Variants in ADGRG6 observed in about 807,000 individuals in gnomAD.
The protein encoded by ADGRG6 is adhesion G protein-coupled receptor G6.
Under a neutral mutation model 142.4 loss-of-function variants are expected in ADGRG6, and 84 were observed. The ratio of observed to expected loss-of-function variants is 0.59; its 90% CI spans 0.49 to 0.71. The LOEUF (loss-of-function observed/expected upper bound fraction) is 0.71, where lower values mean the gene tolerates loss of function less well. Among genes scored for constraint, ADGRG6 ranks in the 30% least tolerant of loss-of-function variants. The pLI is 0.00. For missense variants in ADGRG6, 1,367 were observed against 1,466.6 expected, an observed-to-expected ratio of 0.93 and a Z score of 1.11; for synonymous variants, 521 against 520.5, an observed-to-expected ratio of 1.00 and a Z score of -0.01.
intron 10 of ADGRG6, among the ~76,000 whole-genome samples, chr6:142,398,747 A>T (rs1775338689): frequency 6.6e-6 from 1 of 152,128 alleles, no homozygotes; most frequent in Non-Finnish European, 1.5e-5. Flanking sequence ...ACCTTTTCTG[A>T]AATAAAGTAT....
rs1775770794 is a variant in ADGRG6 at position 142,405,726 on chromosome 6, T to C, written c.2166T>C (p.Ser722=). Residue 722 remains serine, a synonymous_variant, in exon 15 of 25, where the codon TCT becomes TCC. Coordinates refer to ENST00000367609, the MANE Select transcript of ADGRG6 (RefSeq NM_198569.3). ...GTGGACAAGTGGATCCACTGGCATC[T>C]GTAATTTTGCCTCCAAACTTACTTG... ...FESGQVDPLA[S]VILPPNLLEN... is the part of the protein sequence containing the mutation. 6.2e-7 allele frequency: 1 copy of C among 1,607,452 alleles called. No homozygotes were observed. The highest frequency in any genetic ancestry group is 1.1e-5 in the South Asian group (1 of 90,670).
chr6:142,338,794 A>C (rs899790962), intron 2 of ADGRG6, among the ~76,000 whole-genome samples: 3 of 152,182 alleles, frequency 2.0e-5, no homozygotes, highest in African/African-American at 7.2e-5. Flanking sequence ...TTTTAATTAA[A>C]AATAGTAATG....
intron 1 of ADGRG6, among the ~76,000 whole-genome samples, chr6:142,306,762 T>C (rs2114495106): frequency 6.6e-6 from 1 of 152,216 alleles, no homozygotes; most frequent in South Asian, 2.1e-4. Context: ...TCTTGGGAGA[T>C]AGTTATTTAA....
Position 142,385,829 on chromosome 6 carries a change from G to A in ADGRG6, c.1222+1986G>A, listed in dbSNP as rs113508784. On this transcript the variant is annotated intron_variant, in intron 6 of 24. Coordinates refer to ENST00000367609, the MANE Select transcript of ADGRG6 (RefSeq NM_198569.3). ...ACCTTATGAATACATGCTATTTAATGTCATGTCCTGGATTATCATCATTGA... is the reference window on the plus strand; with the variant it reads ...ACCTTATGAATACATGCTATTTAATATCATGTCCTGGATTATCATCATTGA... 6.6e-3 allele frequency among the ~76,000 whole-genome samples: 1,002 copies of A among 152,138 alleles called. 16 individuals are homozygous for A. The highest frequency in any genetic ancestry group is 0.022 in the African/African-American group (933 of 41,520).
Position 142,411,422 on chromosome 6 carries a change from A to C in ADGRG6, c.2541+11A>C, listed in dbSNP as rs1300134971. The C allele has an allele frequency of 7.5e-7, 1 of 1,331,410 alleles. No homozygotes were observed. The highest frequency in any genetic ancestry group is 1.1e-6 in the Non-Finnish European group (1 of 922,284). The allele number at this position is 1,331,410 out of a possible 1,614,324, so 82.5% of individuals were successfully genotyped here. On this transcript the variant is annotated intron_variant, in intron 18 of 24. Coordinates refer to ENST00000367609, the MANE Select transcript of ADGRG6 (RefSeq NM_198569.3). Reference sequence around the variant, plus strand: ...TTTGGAGTTCTGATGGTAAGGGGGGAATTTCTAAGCTCATTTTGACATGCT... The same window carrying C: ...TTTGGAGTTCTGATGGTAAGGGGGGCATTTCTAAGCTCATTTTGACATGCT...
At chr6:142,321,649 G>A (rs1180150180) in intron 2 of ADGRG6, among the ~76,000 whole-genome samples, 1 of 152,048 alleles carries the variant, frequency 6.6e-6, no homozygotes, top group African/African-American at 2.4e-5. Context: ...GCACAGCTAA[G>A]CTATAATGAT....
intron 2 of ADGRG6, among the ~76,000 whole-genome samples, chr6:142,346,193 C>T (rs1199801238): frequency 6.6e-6 from 1 of 152,088 alleles, no homozygotes; most frequent in Non-Finnish European, 1.5e-5. Context: ...GACTTTGAAC[C>T]CACTGTAAGA....
intron 13 of ADGRG6, among the ~76,000 whole-genome samples, chr6:142,403,358 G>T (rs570265870): frequency 1.3e-5 from 2 of 152,038 alleles, no homozygotes; most frequent in East Asian, 3.9e-4. Context: ...TTTCTCTGAA[G>T]AAAATTTTAT....
At chr6:142,356,848 G>A (rs1483998397) in intron 2 of ADGRG6, among the ~76,000 whole-genome samples, 1 of 152,198 alleles carries the variant, frequency 6.6e-6, no homozygotes, top group Non-Finnish European at 1.5e-5. Flanking sequence ...ACTTCAAAAG[G>A]AAGGTGATTT....
intron 2 of ADGRG6, among the ~76,000 whole-genome samples, chr6:142,317,533 G>A (rs1303237646): frequency 2.0e-5 from 3 of 149,864 alleles, no homozygotes; most frequent in Non-Finnish European, 3.0e-5. Flanking sequence ...GAGCATTATA[G>A]TACTTAAATA....
chr6:142,318,481 A>G (rs1271447971), intron 2 of ADGRG6, among the ~76,000 whole-genome samples: 1 of 140,682 alleles, frequency 7.1e-6, no homozygotes, highest in Non-Finnish European at 1.5e-5. Flanking sequence ...GCAAAGCTAA[A>G]TCATTGCCTT....
At chr6:142,371,332 T>G (rs1308846415) in intron 4 of ADGRG6, among the ~76,000 whole-genome samples, 1 of 151,800 alleles carries the variant, frequency 6.6e-6, no homozygotes, top group African/African-American at 2.4e-5. Flanking sequence ...CCAGCTAATT[T>G]TTGTATTTTT....
At chr6:142,333,125 C>A (rs1779141160) in intron 2 of ADGRG6, among the ~76,000 whole-genome samples, 1 of 152,116 alleles carries the variant, frequency 6.6e-6, no homozygotes, top group African/African-American at 2.4e-5. Context: ...CATTTCAGAG[C>A]AAAGAGAATA....
At chr6:142,399,763 C>G (rs995450500) in intron 10 of ADGRG6, among the ~76,000 whole-genome samples, 3 of 152,172 alleles carry the variant, frequency 2.0e-5, no homozygotes, top group African/African-American at 7.2e-5. Context: ...GATGACAGTA[C>G]TTGTTCCCAG....
chr6:142,361,808 GTT>G (rs113523803), intron 2 of ADGRG6, among the ~76,000 whole-genome samples: 77 of 144,588 alleles, frequency 5.3e-4, no homozygotes, highest in African/African-American at 1.2e-3. Context: ...CCTTTAGATT[GTT>G]TTTTTTTTTT....
intron 2 of ADGRG6, among the ~76,000 whole-genome samples, chr6:142,336,821 A>AGATG (rs1245865899): frequency 6.6e-6 from 1 of 152,240 alleles, no homozygotes; most frequent in African/African-American, 2.4e-5. Flanking sequence ...ACTCGATCTC[A>AGATG]GATGGATATA....
intron 2 of ADGRG6, among the ~76,000 whole-genome samples, chr6:142,323,117 TTA>T (rs1316611438): frequency 9.0e-6 from 1 of 111,126 alleles, no homozygotes; most frequent in Non-Finnish European, 1.6e-5. Context: ...TAAATGTCAC[TTA>T]TTTTTTTTTT....
chr6:142,435,544 T>C (rs1471516199), intron 22 of ADGRG6, among the ~76,000 whole-genome samples: 1 of 151,474 alleles, frequency 6.6e-6, no homozygotes, highest in East Asian at 1.9e-4. Context: ...CATTAGAGTA[T>C]ACATGTAAGC....
At chr6:142,342,033 G>T (rs543496715) in intron 2 of ADGRG6, among the ~76,000 whole-genome samples, 1 of 152,148 alleles carries the variant, frequency 6.6e-6, no homozygotes, top group East Asian at 1.9e-4. Context: ...TTTTGGTGAA[G>T]TTTACCTCTT....
Sources: gnomAD v4.1 joint callset for allele counts (sites outside exome capture counted in the v4.1 genomes callset) on GRCh38, gnomAD v4.1.1 for gene constraint, MANE v1.5 for transcripts, NCBI Gene and HGNC (gene_info 2026-07-23, HGNC 2026-07-21) for gene names.